Variants in ABCG1 observed in about 807,000 individuals in gnomAD.
ABCG1 encodes ATP-binding cassette sub-family G member 1.
Under a neutral mutation model 69.2 loss-of-function variants are expected in ABCG1, and 29 were observed. The ratio of observed to expected loss-of-function variants is 0.42; its 90% confidence interval spans 0.31 to 0.57. ABCG1 has a LOEUF of 0.57. Among genes scored for constraint, ABCG1 ranks in the 20% least tolerant of loss-of-function variants. The probability of loss-of-function intolerance (pLI) is 0.15; values close to 1 mark genes in which losing one functional copy is unlikely to be tolerated. For missense variants in ABCG1, 718 were observed against 898.1 expected, an observed-to-expected ratio of 0.80 and a Z score of 2.56; for synonymous variants, 370 against 374.8, an observed-to-expected ratio of 0.99 and a Z score of 0.15.
Position 42,219,161 on chromosome 21 carries a change from C to G in ABCG1, c.-102C>G, listed in dbSNP as rs915453002. 9.1e-7 allele frequency: 1 copy of G among 1,094,672 alleles called. No homozygotes were observed. Among genetic ancestry groups the G allele is most frequent in the Non-Finnish European group, 1.1e-6 (1 of 876,282 alleles). 67.8% of individuals were successfully genotyped at this position (1,094,672 alleles called of 1,614,324 possible). ...AGCCGGAGCCCAAGCGCAGCCCGCA[C>G]CCCGCGCAGCGGCTGAGCCGGGAGC... On this transcript the variant is annotated 5_prime_UTR_variant, in exon 1 of 15. Transcript: ENST00000398449. The surrounding 1 kb of genome is among the most constrained non-coding windows in gnomAD (Gnocchi z 5.3).
At chr21:42,264,489 C>CCATCCATT (rs58319226) in intron 2 of ABCG1, among the ~76,000 whole-genome samples, 14 of 151,144 alleles carry the variant, frequency 9.3e-5, no homozygotes, top group Admixed American at 4.6e-4. Context: ...GTCCATCCAT[C>CCATCCATT]CATCCATTCA....
chr21:42,293,580 TAC>T (rs2069134985), intron 13 of ABCG1, among the ~76,000 whole-genome samples: 2 of 102,246 alleles, frequency 2.0e-5, no homozygotes, highest in African/African-American at 3.9e-5. Flanking sequence ...CACCACACAC[TAC>T]ACACATACCA....
At chr21:42,256,651 C>T (rs2068310963) in intron 2 of ABCG1, 2 of 1,467,736 alleles carry the variant, frequency 1.4e-6, no homozygotes, top group Non-Finnish European at 1.8e-6. Context: ...AGGGTTCCCA[C>T]CAGGCAGCCC....
Position 42,219,716 on chromosome 21 carries a change from C to T in ABCG1, c.42+412C>T, listed in dbSNP as rs368250149. ...GGGGACTTGAAGAAGGGGAGCCCCG[C>T]GCGCGCGGCTGTGGGCTTGGGGACC... On this transcript the variant is annotated intron_variant, in intron 1 of 14. Transcript: ENST00000398449. This position sits in a 1 kb window ranked among gnomAD's most constrained non-coding sequence, Gnocchi z 5.3. 13 of 1,044,114 alleles carry T rather than the reference C, an allele frequency of 1.2e-5. No individual in the cohort carries two copies. The highest frequency in any genetic ancestry group is 8.9e-5 in the East Asian group (3 of 33,600). The allele number at this position is 1,044,114 out of a possible 1,614,324, so 64.7% of individuals were successfully genotyped here.
In ABCG1 at chr21:42,287,481, G is replaced by A. The variant is rs113768385; in HGVS notation, c.974-408G>A. Among the ~76,000 whole-genome samples the A allele has an allele frequency of 2.5e-3, 388 of 152,286 alleles. 2 individuals carry two copies. Among genetic ancestry groups the A allele is most frequent in the African/African-American group, 8.9e-3 (370 of 41,556 alleles). ...ATCTTGTAGAACTGCCGTGGCTCTC[G>A]TCACACCCTGCCAAACCACAAGCTC... On this transcript the variant is annotated intron_variant, in intron 8 of 14. Transcript: ENST00000398449. The surrounding 1 kb of genome is among the most constrained non-coding windows in gnomAD (Gnocchi z 6.2).
At chr21:42,208,937 G>C (rs187303163) in intron 2 of ABCG1, among the ~76,000 whole-genome samples, 5,007 of 152,288 alleles carry the variant, frequency 0.033, 138 homozygotes, top group Middle Eastern at 0.068. Context: ...CAAGGTGACT[G>C]CCCCAGGCCC....
At chr21:42,204,239 C>G (rs1190141212) in intron 2 of ABCG1, among the ~76,000 whole-genome samples, 3 of 152,024 alleles carry the variant, frequency 2.0e-5, no homozygotes, top group African/African-American at 7.2e-5. Flanking sequence ...CCATTTATTT[C>G]CTTTTCTTGC....
At chr21:42,218,365 T>C (rs1297384607), upstream of ABCG1, among the ~76,000 whole-genome samples, 2 of 152,212 alleles carry the variant, frequency 1.3e-5, no homozygotes, top group African/African-American at 2.4e-5. Flanking sequence ...TGCTGGACCA[T>C]CTGATATTCC....
chr21:42,212,790 T>C (rs959038684), upstream of ABCG1, among the ~76,000 whole-genome samples: 14 of 149,376 alleles, frequency 9.4e-5, no homozygotes, highest in African/African-American at 3.2e-4. Context: ...GCTTCCCGGG[T>C]TCACACCATT....
rs148390992 is a variant in ABCG1, at chr21:42,258,211, A to G, written c.287-12859A>G. Among the ~76,000 whole-genome samples, 5 of 142,570 alleles carry G rather than the reference A, an allele frequency of 3.5e-5. No homozygotes were observed. In the East Asian group the frequency reaches 1.0e-3, roughly 30 times the overall value. 93.5% of individuals were successfully genotyped at this position (142,570 alleles called of 152,430 possible). A position where few individuals can be genotyped will look rare whatever the true frequency, so the allele number is the denominator to read the frequency against. ...CATCCTTCCTCCCATTTCCCCACCCACTCCATAAGCCTCTCCAACCATCCC... is the reference window on the plus strand; with the variant it reads ...CATCCTTCCTCCCATTTCCCCACCCGCTCCATAAGCCTCTCCAACCATCCC... On this transcript the variant is annotated intron_variant, in intron 2 of 14. Transcript: ENST00000398449.
At chr21:42,289,956 A>G (rs1345049223) in intron 10 of ABCG1, 94 bp from the exon 11 acceptor site, 3 of 1,434,086 alleles carry the variant, frequency 2.1e-6, no homozygotes, top group East Asian at 4.6e-5. Context: ...CACAGAGTTC[A>G]GGGTCCCATG....
chr21:42,293,937 A>G (rs2069149610), intron 13 of ABCG1, among the ~76,000 whole-genome samples: 1 of 143,616 alleles, frequency 7.0e-6, no homozygotes, highest in African/African-American at 2.6e-5. Flanking sequence ...ACCACACAGC[A>G]GACACCGCCC....
Position 42,219,178 on chromosome 21 carries a change from G to T in ABCG1, c.-85G>T, listed in dbSNP as rs2067679025. ...AGCCCGCACCCCGCGCAGCGGCTGAGCCGGGAGCCAGCGCAGCCTCGGCCC... is the reference window on the plus strand; with the variant it reads ...AGCCCGCACCCCGCGCAGCGGCTGATCCGGGAGCCAGCGCAGCCTCGGCCC... On this transcript the variant is annotated 5_prime_UTR_variant, in exon 1 of 15. Transcript: ENST00000398449. The surrounding 1 kb of genome is among the most constrained non-coding windows in gnomAD (Gnocchi z 5.3). 5.0e-6 allele frequency: 6 copies of T among 1,205,042 alleles called. No homozygotes were observed. Among genetic ancestry groups the T allele is most frequent in the Non-Finnish European group, 5.2e-6 (5 of 959,342 alleles). 74.6% of individuals were successfully genotyped at this position (1,205,042 alleles called of 1,614,324 possible).
At chr21:42,200,616 G>T (rs1464268821) in intron 1 of ABCG1, among the ~76,000 whole-genome samples, 8 of 109,406 alleles carry the variant, frequency 7.3e-5, no homozygotes, top group East Asian at 6.0e-4. Context: ...TTTTTTAGAC[G>T]GAGTCTCCCT....
intron 2 of ABCG1, among the ~76,000 whole-genome samples, chr21:42,251,224 T>C (rs2068216014): frequency 6.6e-6 from 1 of 152,130 alleles, no homozygotes; most frequent in African/African-American, 2.4e-5. Context: ...AACAAGTGCT[T>C]GGAGGAAGGA....
chr21:42,263,307 G>A (rs1021479255), intron 2 of ABCG1, among the ~76,000 whole-genome samples: 2 of 152,180 alleles, frequency 1.3e-5, no homozygotes, highest in African/African-American at 4.8e-5. Context: ...TCCAAGGGAG[G>A]AAACCGTCTT....
At chr21:42,210,959 C>CT (rs1555945834) in intron 2 of ABCG1, among the ~76,000 whole-genome samples, 4,130 of 137,344 alleles carry the variant, frequency 0.03, 90 homozygotes, top group African/African-American at 0.056. Flanking sequence ...TTTCTTTCTT[C>CT]TTTTTTTTTT....
intron 2 of ABCG1, among the ~76,000 whole-genome samples, chr21:42,243,461 T>C (rs980585326): frequency 2.3e-4 from 35 of 149,538 alleles, no homozygotes; most frequent in African/African-American, 4.5e-4. Flanking sequence ...TGTGTGTGTG[T>C]GTGTGTGTGT....
At chr21:42,263,037 C>T (rs2068440610) in intron 2 of ABCG1, among the ~76,000 whole-genome samples, 1 of 152,194 alleles carries the variant, frequency 6.6e-6, no homozygotes, top group Non-Finnish European at 1.5e-5. Flanking sequence ...CTGCCGTGTC[C>T]CCCGACTCTT....
Sources: allele counts gnomAD v4.1 joint callset (sites outside exome capture counted in the v4.1 genomes callset), GRCh38; gene constraint gnomAD v4.1.1; non-coding constraint Gnocchi (gnomAD v3.1); transcripts MANE v1.5; gene names NCBI Gene and HGNC (gene_info 2026-07-23, HGNC 2026-07-21).